GRHL3: variants seen among roughly 807,000 people sequenced by gnomAD.
GRHL3 encodes the protein grainyhead like transcription factor 3, also known as grainyhead-like protein 3 homolog.
In GRHL3, 20 loss-of-function variants were observed where a neutral mutation model predicts 70.3. The ratio of observed to expected loss-of-function variants is 0.28; its 90% CI spans 0.20 to 0.41. GRHL3 has a LOEUF of 0.41. Ranked by LOEUF, GRHL3 falls within the 10% of genes least tolerant of loss-of-function variation. The pLI is 1.00. For missense variants in GRHL3, 637 were observed against 762.3 expected (o/e 0.84, Z 1.94); for synonymous variants, 299 against 299.9 (o/e 1.00, Z 0.03).
intron 1 of GRHL3, 193 bp downstream of exon 1, chr1:24,319,761 T>C: frequency 6.8e-7 from 1 of 1,471,880 alleles, no homozygotes; most frequent in South Asian, 1.3e-5. Flanking sequence ...AGTGTTTCCC[T>C]GGGAAAATAG....
chr1:24,364,223 C>T (rs998813039), exon 16 of GRHL3: 2 of 1,543,814 alleles, frequency 1.3e-6, no homozygotes, highest in Non-Finnish European at 8.7e-7. Flanking sequence ...TCTCGCCACC[C>T]CCCACCTGAC....
rs1243975441 is a variant in GRHL3 at position 24,342,787 on chromosome 1, A to G, written c.1285+15A>G. 3.7e-6 allele frequency: 6 copies of G among 1,614,002 alleles called. No individual in the cohort carries two copies. On this transcript the variant is annotated intron_variant, in intron 10 of 15. Transcript: ENST00000361548. The surrounding 1 kb of genome is among the most constrained non-coding windows in gnomAD (Gnocchi z 4.8). ...CAGCAACAGTGGTCAGTGGGGATCCAGGGCCTGGGTGGGCTCGGCTGGCGT... is the reference window on the plus strand; with the variant it reads ...CAGCAACAGTGGTCAGTGGGGATCCGGGGCCTGGGTGGGCTCGGCTGGCGT...
At chr1:24,320,095 T>A (rs1639123926) in intron 1 of GRHL3, among the ~76,000 whole-genome samples, 1 of 152,252 alleles carries the variant, frequency 6.6e-6, no homozygotes, top group African/African-American at 2.4e-5. Flanking sequence ...ATCCAGGCTC[T>A]GTCCCTGGGT....
At chr1:24,325,892 C>T (rs1210253382) in intron 1 of GRHL3, among the ~76,000 whole-genome samples, 1 of 152,220 alleles carries the variant, frequency 6.6e-6, no homozygotes, top group Non-Finnish European at 1.5e-5. Context: ...GACGGGGAGA[C>T]TCTGAGGAGG....
chr1:24,324,278 T>A (rs1292550490), intron 1 of GRHL3, among the ~76,000 whole-genome samples: 1 of 152,136 alleles, frequency 6.6e-6, no homozygotes, highest in Non-Finnish European at 1.5e-5. Context: ...TACATGCAAC[T>A]AAAAGTGTCT....
Position 24,346,577 on chromosome 1 carries a change from G to A in GRHL3, c.1479G>A (p.Ser493=), listed in dbSNP as rs1481809126. The A allele has an allele frequency of 5.0e-6, 8 of 1,612,952 alleles. No individual in the cohort carries two copies. The highest frequency in any genetic ancestry group is 4.5e-5 in the East Asian group (2 of 44,866). ...SNRLPLKRTC[S]PFTEEFEPLP... is the part of the protein sequence containing the mutation. Reference sequence around the variant, plus strand: ...GGCTGCCTCTGAAGCGTACCTGCTCGCCCTTCACTGAGGAGTTTGAGCCTC... The same window carrying A: ...GGCTGCCTCTGAAGCGTACCTGCTCACCCTTCACTGAGGAGTTTGAGCCTC... Residue 493 remains serine, a synonymous_variant, in exon 13 of 16, where the codon TCG becomes TCA. Coordinates refer to ENST00000361548, the MANE Select transcript of GRHL3 (RefSeq NM_198173.3).
chr1:24,319,602 A>G, intron 1 of GRHL3, 34 bp downstream of exon 1: 1 of 1,613,692 alleles, frequency 6.2e-7, no homozygotes, highest in South Asian at 1.1e-5. Flanking sequence ...TGCCGCTCTC[A>G]GAGCGTGGAG....
chr1:24,352,981 G>C (rs928504910), intron 15 of GRHL3, among the ~76,000 whole-genome samples: 2 of 152,216 alleles, frequency 1.3e-5, no homozygotes, highest in African/African-American at 2.4e-5. Context: ...GGGGGTCCTC[G>C]TGCCTGCCGC....
chr1:24,363,997 A>T (rs1641288577), intron 15 of GRHL3, among the ~76,000 whole-genome samples: 1 of 152,072 alleles, frequency 6.6e-6, no homozygotes, highest in Non-Finnish European at 1.5e-5. Flanking sequence ...TAAAGGCAAG[A>T]TCTATTTATG....
At chr1:24,324,195 C>G (rs1276121993) in intron 1 of GRHL3, among the ~76,000 whole-genome samples, 1 of 152,110 alleles carries the variant, frequency 6.6e-6, no homozygotes, top group Non-Finnish European at 1.5e-5. Flanking sequence ...GAAAAATTCC[C>G]ATACAGGGAA....
rs1293650135 is a variant in GRHL3 at position 24,350,668 on chromosome 1, G to T, written c.1694+546G>T. Among the ~76,000 whole-genome samples the T allele has an allele frequency of 4.6e-5, 7 of 152,346 alleles. No individual in the cohort carries two copies. The East Asian group carries it at 1.3e-3, about 29-fold the overall frequency. On this transcript the variant is annotated intron_variant, in intron 15 of 15. Transcript: ENST00000361548. ...AAAGTTGTTACTGACAGAGCCGTAG[G>T]CAGGAAGGGAGTGGCTGGCGATGAG... is the stretch of plus-strand genomic sequence containing the variant.
At chr1:24,331,798 C>T (rs1421836831) in intron 2 of GRHL3, among the ~76,000 whole-genome samples, 186 bp downstream of exon 2, 1 of 152,206 alleles carries the variant, frequency 6.6e-6, no homozygotes, top group Non-Finnish European at 1.5e-5. Flanking sequence ...CTTGGGGTCT[C>T]AGCTTAAATG....
At chr1:24,343,991 C>T (rs1014405738) in intron 11 of GRHL3, among the ~76,000 whole-genome samples, 6 of 152,182 alleles carry the variant, frequency 3.9e-5, no homozygotes, top group African/African-American at 9.7e-5. Flanking sequence ...GCAGCACAGG[C>T]GGCTGTGTGA....
At chr1:24,325,183 G>A (rs560148824) in intron 1 of GRHL3, among the ~76,000 whole-genome samples, 29 of 152,296 alleles carry the variant, frequency 1.9e-4, no homozygotes, top group African/African-American at 6.7e-4. Flanking sequence ...AGCTCAGGCG[G>A]CCCCTGGAAC....
intron 15 of GRHL3, among the ~76,000 whole-genome samples, chr1:24,361,469 G>C (rs1641112011): frequency 6.6e-6 from 1 of 152,090 alleles, no homozygotes; most frequent in Non-Finnish European, 1.5e-5. Flanking sequence ...GGACTCAATG[G>C]GAAGAGGCCT....
At chr1:24,347,353 G>A in intron 13 of GRHL3, 115 bp from the exon 14 acceptor site, 2 of 906,216 alleles carry the variant, frequency 2.2e-6, no homozygotes, top group African/African-American at 1.6e-5. Context: ...CTCCCAGCTG[G>A]GCAAAGACCC....
intron 13 of GRHL3, 152 bp downstream of exon 13, chr1:24,346,793 G>A: frequency 1.6e-6 from 1 of 611,852 alleles, no homozygotes; most frequent in Non-Finnish European, 2.9e-6. Flanking sequence ...TGGGGGTAAG[G>A]AGGGAACCTC....
chr1:24,360,819 G>A, intron 15 of GRHL3: 2 of 1,560,072 alleles, frequency 1.3e-6, no homozygotes, highest in South Asian at 1.2e-5. Context: ...AGAAGATTTG[G>A]TTTTTACAAT....
chr1:24,334,410 T>C lies in GRHL3; in HGVS notation c.205-235T>C, dbSNP rs1014962941. ...CCTCTTATAAAATAATCAGATACGA[T>C]GAGAACTCACTGTCACGAGAACAGC... On this transcript the variant is annotated intron_variant, in intron 2 of 15. Coordinates refer to ENST00000361548, the MANE Select transcript of GRHL3 (RefSeq NM_198173.3). This position sits in a 1 kb window ranked among gnomAD's most constrained non-coding sequence, Gnocchi z 4.3. Among the ~76,000 whole-genome samples the C allele has an allele frequency of 6.6e-6, 1 of 151,968 alleles. No homozygotes were observed. Among genetic ancestry groups the C allele is most frequent in the South Asian group, 2.1e-4 (1 of 4,814 alleles).
Sources: allele counts gnomAD v4.1 joint callset (sites outside exome capture counted in the v4.1 genomes callset), GRCh38; gene constraint gnomAD v4.1.1; non-coding constraint Gnocchi (gnomAD v3.1); transcripts MANE v1.5; gene names NCBI Gene and HGNC (gene_info 2026-07-23, HGNC 2026-07-21).